Variants in ADGRL3 observed in about 807,000 individuals in gnomAD.
ADGRL3 encodes adhesion G protein-coupled receptor L3.
Under a neutral mutation model 153.5 loss-of-function variants are expected in ADGRL3, and 62 were observed. That is an observed-to-expected ratio of 0.40 (90% CI 0.33 to 0.50). The LOEUF (loss-of-function observed/expected upper bound fraction) is 0.50. ADGRL3 is among the 20% of genes least tolerant of loss of function. The pLI is 0.47. For missense variants in ADGRL3, 1,641 were observed against 1,859.4 expected (o/e 0.88, Z 2.16); for synonymous variants, 710 against 672.5 (o/e 1.06, Z -0.86).
At chr4:61,799,401 C>A (rs1438996959) in intron 8 of ADGRL3, among the ~76,000 whole-genome samples, 1 of 151,984 alleles carries the variant, frequency 6.6e-6, no homozygotes, top group African/African-American at 2.4e-5. Context: ...GCTGCAGCTG[C>A]TCCTCCTCCT....
intron 5 of ADGRL3, among the ~76,000 whole-genome samples, chr4:61,643,883 C>A (rs1410077067): frequency 6.8e-6 from 1 of 147,236 alleles, no homozygotes; most frequent in Non-Finnish European, 1.5e-5. Flanking sequence ...CCTCCTTTTA[C>A]CTCTGGTAGA....
chr4:61,804,853 CGGGGAGAGGGTT>C (rs1041696823), intron 8 of ADGRL3, among the ~76,000 whole-genome samples: 1 of 152,032 alleles, frequency 6.6e-6, no homozygotes, highest in Admixed American at 6.6e-5. Flanking sequence ...GCCTTCCTTG[CGGGGAGAGGGTT>C]GGGGAGAGGT....
At chr4:61,341,559 C>T (rs1166731743) in intron 1 of ADGRL3, among the ~76,000 whole-genome samples, 1 of 151,322 alleles carries the variant, frequency 6.6e-6, no homozygotes, top group Non-Finnish European at 1.5e-5. Context: ...ATGTTATGCA[C>T]ATGTAATGCA....
intron 9 of ADGRL3, among the ~76,000 whole-genome samples, chr4:61,853,473 A>T (rs1210163748): frequency 6.6e-6 from 1 of 152,112 alleles, no homozygotes; most frequent in East Asian, 1.9e-4. Context: ...TAATTGTTTT[A>T]TGTTTTACTA....
At chr4:61,247,509 T>C (rs2167076) in intron 1 of ADGRL3, among the ~76,000 whole-genome samples, 32,758 of 151,816 alleles carry the variant, frequency 0.22, 3,593 homozygotes, top group South Asian at 0.28. Context: ...TTTCAAAGGG[T>C]TTGTTTTTCA....
intron 1 of ADGRL3, among the ~76,000 whole-genome samples, chr4:61,259,618 A>C (rs941187553): frequency 1.3e-5 from 2 of 152,100 alleles, no homozygotes; most frequent in Non-Finnish European, 2.9e-5. Flanking sequence ...AGCCTTCCTG[A>C]ACAGCACGTC....
chr4:61,828,228 C>G (rs1241545209), intron 9 of ADGRL3, among the ~76,000 whole-genome samples: 1 of 152,072 alleles, frequency 6.6e-6, no homozygotes, highest in Non-Finnish European at 1.5e-5. Context: ...TGTGCCTGTT[C>G]ATTTAAGAGG....
chr4:61,642,666 T>C (rs887438500), intron 5 of ADGRL3, among the ~76,000 whole-genome samples: 4 of 152,190 alleles, frequency 2.6e-5, no homozygotes, highest in African/African-American at 9.6e-5. Flanking sequence ...TTGGTACCAG[T>C]ACCATGCTGT....
chr4:61,895,568 C>T (rs959177551), intron 10 of ADGRL3, among the ~76,000 whole-genome samples, 163 bp from the exon 11 acceptor site: 3 of 152,198 alleles, frequency 2.0e-5, no homozygotes, highest in Admixed American at 6.5e-5. Context: ...TGGAGTACTA[C>T]ATTTCTCTAG....
chr4:61,899,312 G>C (rs2345039), intron 11 of ADGRL3, among the ~76,000 whole-genome samples: 63,261 of 151,400 alleles, frequency 0.42, 13,349 homozygotes, highest in Middle Eastern at 0.46. Flanking sequence ...ACACCCTTCT[G>C]CTCTGATCTC....
chr4:61,217,383 ACTTT>A (rs1743282353), intron 1 of ADGRL3, among the ~76,000 whole-genome samples: 1 of 152,154 alleles, frequency 6.6e-6, no homozygotes, highest in South Asian at 2.1e-4. Flanking sequence ...TGCTCTCTTC[ACTTT>A]CTGTCATCAG....
chr4:61,517,003 AT>A (rs1391167437), intron 3 of ADGRL3, among the ~76,000 whole-genome samples: 1 of 151,076 alleles, frequency 6.6e-6, no homozygotes, highest in Admixed American at 6.6e-5. Context: ...TAATATTTAT[AT>A]TTTTTCAGGT....
At chr4:61,919,827 T>A (rs2098760463) in intron 13 of ADGRL3, among the ~76,000 whole-genome samples, 1 of 152,222 alleles carries the variant, frequency 6.6e-6, no homozygotes. Context: ...TAGAAATGGC[T>A]GCTTTAGAAA....
At chr4:61,291,210 A>ACACACATG (rs2094175431) in intron 1 of ADGRL3, among the ~76,000 whole-genome samples, 2 of 133,458 alleles carry the variant, frequency 1.5e-5, no homozygotes, top group African/African-American at 5.5e-5. Context: ...ACACACACAC[A>ACACACATG]CACACACGCA....
At chr4:62,030,541 A>G (rs920733268) in intron 22 of ADGRL3, among the ~76,000 whole-genome samples, 16 of 151,582 alleles carry the variant, frequency 1.1e-4, no homozygotes, top group Non-Finnish European at 2.1e-4. Flanking sequence ...AACCACAAAT[A>G]TATGAATTTT....
chr4:61,664,520 AC>A (rs2094714836), intron 5 of ADGRL3, among the ~76,000 whole-genome samples: 1 of 152,092 alleles, frequency 6.6e-6, no homozygotes, highest in African/African-American at 2.4e-5. Flanking sequence ...CAGCTACAAT[AC>A]TTTTTTTTAA....
At chr4:61,244,466 A>C (rs1297511475) in intron 1 of ADGRL3, among the ~76,000 whole-genome samples, 2 of 152,074 alleles carry the variant, frequency 1.3e-5, no homozygotes, top group East Asian at 3.9e-4. Context: ...AGATTTATGC[A>C]TGTGTAAATA....
chr4:61,864,243 T>C (rs1016657004), intron 9 of ADGRL3, among the ~76,000 whole-genome samples: 11 of 152,216 alleles, frequency 7.2e-5, no homozygotes, highest in South Asian at 2.1e-4. Flanking sequence ...GATTGCCATA[T>C]ATTAGTTCTC....
chr4:61,848,895 G>A (rs2098168834), intron 9 of ADGRL3, among the ~76,000 whole-genome samples: 1 of 152,228 alleles, frequency 6.6e-6, no homozygotes, highest in South Asian at 2.1e-4. Flanking sequence ...TGTCACAAGT[G>A]TCTAGATCAT....
Sources: gnomAD v4.1 joint callset for allele counts (sites outside exome capture counted in the v4.1 genomes callset) on GRCh38, gnomAD v4.1.1 for gene constraint, MANE v1.5 for transcripts, NCBI Gene and HGNC (gene_info 2026-07-23, HGNC 2026-07-21) for gene names.